GOLGA4: variants seen among roughly 807,000 people sequenced by gnomAD.
The protein encoded by GOLGA4 is golgin subfamily A member 4.
In GOLGA4, 169 loss-of-function variants were observed where a neutral mutation model predicts 265.9. The observed-to-expected ratio is 0.64, with a 90% CI of 0.56 to 0.72. The LOEUF is 0.72. Ranked by LOEUF, GOLGA4 falls within the 30% of genes least tolerant of loss-of-function variation. GOLGA4 has a pLI of 0.00. For missense variants in GOLGA4, 2,482 were observed against 2,483.4 expected, an observed-to-expected ratio of 1.00 and a Z score of 0.01; for synonymous variants, 923 against 855.8, an observed-to-expected ratio of 1.08 and a Z score of -1.37.
In GOLGA4 at chr3:37,315,472, A is replaced by C. The variant is rs1249222760; in HGVS notation, c.1287A>C (p.Ala429=). The C allele has an allele frequency of 6.2e-7, 1 of 1,613,928 alleles. No individual in the cohort carries two copies. The highest frequency in any genetic ancestry group is 1.3e-5 in the African/African-American group (1 of 74,934). The stretch of plus-strand genomic sequence containing the variant: ...GTACAGCCCAAAAAACAGAGGAAGC[A>C]CGGAGAAAACTGAAGGCAGAAATGG... The part of the protein sequence containing the change: ...ALSTAQKTEE[A]RRKLKAEMDE... The change falls in exon 11 of 24, where the codon GCA becomes GCC. Residue 429 remains alanine (A), a synonymous_variant. Transcript: ENST00000361924.
rs111338484 is a variant in GOLGA4 at position 37,328,278 on chromosome 3, A to T, written c.5940-138A>T. 3.5e-3 allele frequency: 2,522 copies of T among 721,104 alleles called. 3 individuals carry two copies. The highest frequency in any genetic ancestry group is 4.6e-3 in the Non-Finnish European group (1,987 of 428,364). The allele number at this position is 721,104 out of a possible 1,614,324, so 44.7% of individuals were successfully genotyped here. On this transcript the variant is annotated intron_variant, in intron 14 of 23. Transcript: ENST00000361924. ...CACACACACACACACACTCACTCTC[A>T]CACTCTCTCTCTCTCTCTCTCTCAA...
At chr3:37,334,905 T>G in intron 16 of GOLGA4, 148 bp from the exon 17 acceptor site, 1 of 564,210 alleles carries the variant, frequency 1.8e-6, no homozygotes, top group Non-Finnish European at 3.2e-6. Flanking sequence ...AACAGTAGTG[T>G]GTGTCTCAAA....
chr3:37,347,991 G>C (rs534412656), intron 21 of GOLGA4, among the ~76,000 whole-genome samples: 1 of 152,030 alleles, frequency 6.6e-6, no homozygotes, highest in Non-Finnish European at 1.5e-5. Flanking sequence ...ATTTAAAGCA[G>C]TTTCTGTTTT....
intron 20 of GOLGA4, among the ~76,000 whole-genome samples, chr3:37,344,587 C>T (rs185316015): frequency 2.7e-5 from 4 of 149,906 alleles, no homozygotes; most frequent in Admixed American, 1.3e-4. Context: ...CCTGCCTTGG[C>T]TTCCCAAAGT....
At chr3:37,309,520 A>G (rs1328250535) in intron 10 of GOLGA4, among the ~76,000 whole-genome samples, 1 of 152,234 alleles carries the variant, frequency 6.6e-6, no homozygotes, top group African/African-American at 2.4e-5. Flanking sequence ...GTGCCATTGC[A>G]CTCCAGCCTG....
intron 2 of GOLGA4, among the ~76,000 whole-genome samples, chr3:37,258,651 A>G (rs1389967609): frequency 6.6e-6 from 1 of 152,174 alleles, no homozygotes; most frequent in Non-Finnish European, 1.5e-5. Context: ...ATTCTTAAGC[A>G]CATTTTAGAG....
chr3:37,350,014 G>A (rs748647294), intron 21 of GOLGA4, among the ~76,000 whole-genome samples: 1 of 152,092 alleles, frequency 6.6e-6, no homozygotes, highest in Non-Finnish European at 1.5e-5. Flanking sequence ...TGCTAATGCT[G>A]AACCTGAAAT....
At position 37,269,117 on chromosome 3, in the gene GOLGA4, G is replaced by A. The variant is rs182462057; in HGVS notation, c.163-12841G>A. On this transcript the variant is annotated intron_variant, in intron 2 of 23. Transcript: ENST00000361924. ...ATGTAATTGAAGACAAGTCTGTCAG[G>A]GAACCTGTGTGTGCTTTTAAGTTGA... Among the ~76,000 whole-genome samples the A allele has an allele frequency of 4.6e-5, 7 of 152,272 alleles. No homozygotes were observed. In the East Asian group the frequency reaches 1.3e-3, roughly 29 times the overall value.
chr3:37,347,375 G>A, intron 21 of GOLGA4, 79 bp downstream of exon 21: 1 of 759,440 alleles, frequency 1.3e-6, no homozygotes, highest in Non-Finnish European at 2.3e-6. Flanking sequence ...ACATGTGAAT[G>A]CCATATGTTT....
intron 2 of GOLGA4, among the ~76,000 whole-genome samples, chr3:37,275,266 A>G (rs550935041): frequency 1.7e-4 from 26 of 151,796 alleles, no homozygotes; most frequent in African/African-American, 6.0e-4. Context: ...CAAAAAAACA[A>G]ATGTTTAAAT....
At chr3:37,320,548 A>T (rs2096952008) in intron 12 of GOLGA4, among the ~76,000 whole-genome samples, 1 of 152,196 alleles carries the variant, frequency 6.6e-6, no homozygotes, top group African/African-American at 2.4e-5. Flanking sequence ...TGAAATTTAC[A>T]CATATATGGG....
At chr3:37,260,922 T>C (rs2096768051) in intron 2 of GOLGA4, among the ~76,000 whole-genome samples, 1 of 151,662 alleles carries the variant, frequency 6.6e-6, no homozygotes, top group African/African-American at 2.4e-5. Context: ...ATCCCGGCAA[T>C]TTGGGAGGCT....
chr3:37,327,033 C>T lies in GOLGA4; in HGVS notation c.5147C>T (p.Ala1716Val), dbSNP rs1294599987. ...LIVPRSAKNVAAYTEQEEADS... is the reference protein window; with the variant it reads ...LIVPRSAKNVVAYTEQEEADS... ...GTACCCAGATCAGCAAAAAATGTGGCAGCATATACTGAACAAGAAGAAGCA... is the reference window on the plus strand; with the variant it reads ...GTACCCAGATCAGCAAAAAATGTGGTAGCATATACTGAACAAGAAGAAGCA... Residue 1716 changes from alanine to valine, a missense_variant, in exon 14 of 24, where the codon GCA becomes GTA. Coordinates refer to ENST00000361924, the MANE Select transcript of GOLGA4 (RefSeq NM_002078.5). The T allele has an allele frequency of 1.2e-6, 2 of 1,613,774 alleles. No homozygotes were observed. Among genetic ancestry groups the T allele is most frequent in the East Asian group, 2.2e-5 (1 of 44,854 alleles).
Position 37,325,491 on chromosome 3 carries a change from A to C in GOLGA4, c.3605A>C (p.Lys1202Thr). 1 of 1,613,704 alleles carries C rather than the reference A, an allele frequency of 6.2e-7. No individual in the cohort carries two copies. Among genetic ancestry groups the C allele is most frequent in the Non-Finnish European group, 8.5e-7 (1 of 1,179,710 alleles). ...HEKSNKSLED[K>T]SLEFKKLSEE... ...AAAAGTAACAAAAGCCTAGAGGACAAGAGCTTGGAATTTAAAAAACTGTCT... is the reference window on the plus strand; with the variant it reads ...AAAAGTAACAAAAGCCTAGAGGACACGAGCTTGGAATTTAAAAAACTGTCT... Residue 1202 changes from lysine (K) to threonine (T), a missense_variant, in exon 14 of 24, where the codon AAG (lysine) becomes ACG (threonine). Around this residue, in one of 3 missense-constraint regions of GOLGA4, gnomAD observed 1,536 missense variants for 1,483.7 expected, o/e 1.04. Transcript: ENST00000361924.
intron 22 of GOLGA4, among the ~76,000 whole-genome samples, chr3:37,358,657 A>G (rs2097096571): frequency 6.6e-6 from 1 of 152,184 alleles, no homozygotes; most frequent in Non-Finnish European, 1.5e-5. Flanking sequence ...GATGGTGGTG[A>G]TAATTATTTA....
rs11718848 is a variant in GOLGA4, at chr3:37,324,968, C to A, written c.3082C>A (p.Gln1028Lys). ...VSRLETNQKE[Q>K]IESLTEVHRR... is the part of the protein sequence containing the mutation. ...AAGACTGGAAACAAACCAAAAAGAA[C>A]AAATAGAAAGTCTTACTGAGGTTCA... The change falls in exon 14 of 24, where the codon CAA becomes AAA. Residue 1028 changes from glutamine to lysine, a missense_variant. This residue lies in a region of GOLGA4 where 1,536 missense variants were observed against 1,483.7 expected (regional missense o/e 1.04). Transcript: ENST00000361924. 573,473 of 1,611,820 alleles carry A rather than the reference C, an allele frequency of 0.36. 108,130 individuals are homozygous for A. Among genetic ancestry groups the A allele is most frequent in the Non-Finnish European group, 0.4 (467,205 of 1,178,958 alleles).
At chr3:37,338,861 CTT>C (rs1284511741) in intron 19 of GOLGA4, among the ~76,000 whole-genome samples, 26 of 129,868 alleles carry the variant, frequency 2.0e-4, no homozygotes, top group Admixed American at 3.9e-4. Context: ...TTATGTTAGG[CTT>C]TTTTTTTTTT....
chr3:37,299,193 A>T (rs1003659240), intron 8 of GOLGA4, 95 bp from the exon 9 acceptor site: 12 of 953,740 alleles, frequency 1.3e-5, no homozygotes, highest in Non-Finnish European at 1.8e-5. Flanking sequence ...TTCCTTCTGC[A>T]CTGTAACATG....
chr3:37,326,056 C>A lies in GOLGA4; in HGVS notation c.4170C>A (p.Ser1390=), dbSNP rs142148069. ...NVQLQNSISL[S]EKEAAISSLR... ...AGCTTCAAAATAGCATCAGCCTATC[C>A]GAAAAAGAAGCAGCCATTTCATCAC... The change falls in exon 14 of 24, where the codon TCC becomes TCA. Residue 1390 remains serine, a synonymous_variant. Coordinates refer to ENST00000361924, the MANE Select transcript of GOLGA4 (RefSeq NM_002078.5). 1,475 of 1,613,024 alleles carry A rather than the reference C, an allele frequency of 9.1e-4. 2 individuals are homozygous for A. The highest frequency in any genetic ancestry group is 2.2e-3 in the South Asian group (196 of 91,030).
Sources: allele counts gnomAD v4.1 joint callset (sites outside exome capture counted in the v4.1 genomes callset), GRCh38; gene constraint gnomAD v4.1.1; regional missense constraint gnomAD v4.1.1; transcripts MANE v1.5; gene names NCBI Gene and HGNC (gene_info 2026-07-23, HGNC 2026-07-21).